Variants in MUC12 observed in about 807,000 individuals in gnomAD.
The protein encoded by MUC12 is mucin-12.
MUC12 carries 172 observed loss-of-function variants against 230.8 expected under a neutral mutation model. The observed-to-expected ratio is 0.75, with a 90% CI of 0.66 to 0.85. The LOEUF (loss-of-function observed/expected upper bound fraction) is 0.85, where lower values mean the gene tolerates loss of function less well. Among genes scored for constraint, MUC12 ranks in the 40% least tolerant of loss-of-function variants. MUC12 has a pLI of 0.00. For synonymous variants in MUC12, 1,259 were observed against 2,401.9 expected, an observed-to-expected ratio of 0.52 and a Z score of 13.91; for missense variants, 3,506 against 5,920.6, an observed-to-expected ratio of 0.59 and a Z score of 13.38.
intron 3 of MUC12, among the ~76,000 whole-genome samples, chr7:101,008,335 A>C (rs1793788825): frequency 6.6e-6 from 1 of 151,274 alleles, no homozygotes; most frequent in South Asian, 2.1e-4. Flanking sequence ...TTTGTTGCCC[A>C]GGTAGGTCTT....
At chr7:100,981,341 A>G in intron 1 of MUC12, 1 of 592,702 alleles carries the variant, frequency 1.7e-6, no homozygotes, top group Non-Finnish European at 3.0e-6. Context: ...CTCTTCACCC[A>G]GAGCATGGTT....
rs1793490738 is a variant in MUC12 at position 100,996,416 on chromosome 7, CA to C, written c.5854del (p.Ser1952AlafsTer217). The C allele has an allele frequency of 6.5e-7, 1 of 1,536,364 alleles. No homozygotes were observed. Among genetic ancestry groups the C allele is most frequent in the African/African-American group, 1.4e-5 (1 of 72,976 alleles). ...CAACGCACACAACAGCATTCCCTGA[CA>C]GCACCACCACGCCAGGCCTCAGTCG... is the stretch of plus-strand genomic sequence containing the variant. ...GSTHTTAFPDSTTTPGLSRHS... is the reference protein window; with the variant it reads ...GSTHTTAFPDXTTTPGLSRHS... On this transcript the variant is annotated frameshift_variant, in exon 2 of 12. Transcript: ENST00000536621. LOFTEE classifies it high-confidence loss of function.
At chr7:100,982,092 C>T (rs1170293587) in intron 1 of MUC12, among the ~76,000 whole-genome samples, 1 of 152,022 alleles carries the variant, frequency 6.6e-6, no homozygotes, top group Non-Finnish European at 1.5e-5. Context: ...GTCTCGAACT[C>T]CTGACCTCAG....
At chr7:101,008,375 G>A (rs948987203) in intron 3 of MUC12, among the ~76,000 whole-genome samples, 1 of 152,072 alleles carries the variant, frequency 6.6e-6, no homozygotes, top group African/African-American at 2.4e-5. Context: ...GGGATTACAG[G>A]TGTGAGCCAC....
chr7:100,988,372 C>T (rs1793227701), intron 1 of MUC12, among the ~76,000 whole-genome samples: 2 of 151,890 alleles, frequency 1.3e-5, no homozygotes, highest in South Asian at 2.1e-4. Context: ...CCTGCTTTTG[C>T]CATGTGACCA....
Position 100,990,666 on chromosome 7 carries a change from A to G in MUC12, c.103A>G (p.Thr35Ala). The G allele has an allele frequency of 6.5e-7, 1 of 1,537,624 alleles. No homozygotes were observed. Among genetic ancestry groups the G allele is most frequent in the Non-Finnish European group, 8.7e-7 (1 of 1,146,972 alleles). ...TVNTSIGGNT[T>A]SASTPSSSDP... ...AAACACCAGTATTGGAGGTAATACA[A>G]CTTCTGCATCCACACCCAGTTCAAG... is the stretch of plus-strand genomic sequence containing the variant. The change falls in exon 2 of 12, where the codon ACT becomes GCT. Residue 35 changes from threonine to alanine, a missense_variant. Coordinates refer to ENST00000536621, the MANE Select transcript of MUC12 (RefSeq NM_001164462.2).
rs1445136935 is a variant in MUC12 at position 101,015,363 on chromosome 7, C to A, written c.15801-252C>A. On this transcript the variant is annotated intron_variant, in intron 9 of 11. Coordinates refer to ENST00000536621, the MANE Select transcript of MUC12 (RefSeq NM_001164462.2). The stretch of plus-strand genomic sequence containing the variant: ...AGCAACTGAAGGGAGCTACCCTACG[C>A]CCCCATCTCATGGATATGGAAACTG... 9.7e-6 allele frequency: 5 copies of A among 516,718 alleles called. No homozygotes were observed. The Admixed American group carries it at 1.7e-4, about 18-fold the overall frequency. 32.0% of individuals were successfully genotyped at this position (516,718 alleles called of 1,614,324 possible).
chr7:100,972,900 C>T (rs76074645), intron 1 of MUC12: 33 of 685,678 alleles, frequency 4.8e-5, no homozygotes, highest in East Asian at 1.1e-4. Flanking sequence ...AGCAGACAGT[C>T]GAGCAAGGGA....
rs776249063 is a variant in MUC12, at chr7:101,004,422, G to A, written c.13859G>A (p.Ser4620Asn). 7.3e-6 allele frequency: 11 copies of A among 1,512,500 alleles called. No individual in the cohort carries two copies. The highest frequency in any genetic ancestry group is 7.0e-6 in the Non-Finnish European group (8 of 1,138,662). The allele number at this position is 1,512,500 out of a possible 1,614,324, so 93.7% of individuals were successfully genotyped here. A position where few individuals can be genotyped will look rare whatever the true frequency, so the allele number is the denominator to read the frequency against. ...ACTCAAACAATGCACTTCCCTGAAA[G>A]CTCCACAGCTTCAGGTCGTAGTGAA... ...GSTQTMHFPE[S>N]STASGRSEES... is the part of the protein sequence containing the mutation. Residue 4620 changes from serine to asparagine, a missense_variant, in exon 2 of 12, where the codon AGC (serine) becomes AAC (asparagine). Transcript: ENST00000536621.
At chr7:100,983,007 T>G (rs189803683) in intron 1 of MUC12, among the ~76,000 whole-genome samples, 2 of 152,098 alleles carry the variant, frequency 1.3e-5, no homozygotes, top group Non-Finnish European at 2.9e-5. Flanking sequence ...AATGCTGGGA[T>G]TACAGGTATG....
chr7:100,984,599 C>T (rs1267456411), intron 1 of MUC12, among the ~76,000 whole-genome samples: 3 of 151,940 alleles, frequency 2.0e-5, no homozygotes, highest in African/African-American at 4.8e-5. Flanking sequence ...TTTAACTTCT[C>T]TTCCCAAGGC....
rs1387394376 is a variant in MUC12 at position 100,995,482 on chromosome 7, G to A, written c.4919G>A (p.Gly1640Asp). ...PESTTFHSSP[G>D]STETTLLPDN... ...TCTACTACTTTCCACAGCAGCCCAG[G>A]CTCCACTGAAACAACACTCTTACCT... The change falls in exon 2 of 12, where the codon GGC becomes GAC. Residue 1640 changes from glycine to aspartate, a missense_variant. Coordinates refer to ENST00000536621, the MANE Select transcript of MUC12 (RefSeq NM_001164462.2). 2.0e-6 allele frequency: 3 copies of A among 1,533,656 alleles called. No homozygotes were observed. The highest frequency in any genetic ancestry group is 2.4e-5 in the East Asian group (1 of 40,884).
Position 101,018,820 on chromosome 7 carries a change from G to A in MUC12, c.*184G>A. On this transcript the variant is annotated 3_prime_UTR_variant, in exon 12 of 12. Transcript: ENST00000536621. ...CTCCTGCTGGGGAAGGCTGGGGGCTGTAAGCCTCTCCATCCGGGAGCTTCC... is the reference window on the plus strand; with the variant it reads ...CTCCTGCTGGGGAAGGCTGGGGGCTATAAGCCTCTCCATCCGGGAGCTTCC... 5.4e-6 allele frequency: 3 copies of A among 555,698 alleles called. No homozygotes were observed. The highest frequency in any genetic ancestry group is 6.9e-5 in the East Asian group (2 of 28,982). 34.4% of individuals were successfully genotyped at this position (555,698 alleles called of 1,614,324 possible).
chr7:100,976,273 A>G (rs1793029245), intron 1 of MUC12, among the ~76,000 whole-genome samples: 1 of 149,796 alleles, frequency 6.7e-6, no homozygotes, highest in Non-Finnish European at 1.5e-5. Flanking sequence ...GCAAGACATT[A>G]CCTCTTAAAA....
chr7:100,990,463 C>A, intron 1 of MUC12, 168 bp from the exon 2 acceptor site: 1 of 793,070 alleles, frequency 1.3e-6, no homozygotes, highest in Non-Finnish European at 2.0e-6. Context: ...TTCTTCAAAT[C>A]TACAGGTTCA....
At position 100,993,565 on chromosome 7, in the gene MUC12, C is replaced by G. The variant is rs541661005; in HGVS notation, c.3002C>G (p.Thr1001Ser). Residue 1001 changes from threonine to serine, a missense_variant, in exon 2 of 12, where the codon ACT (threonine) becomes AGT (serine). Thr to Ser is a moderately conservative substitution (Grantham distance 58, BLOSUM62 1). Transcript: ENST00000536621. ...GCCTTCCAGACCCACCCAGCCTCAA[C>G]TCACACAACGCCTTCACCTCCTAGC... Reference protein sequence around the residue: ...STAFQTHPASTHTTPSPPSTA... With the variant: ...STAFQTHPASSHTTPSPPSTA... 1.0e-6 allele frequency: 1 copy of G among 955,678 alleles called. No individual in the cohort carries two copies. Among genetic ancestry groups the G allele is most frequent in the Non-Finnish European group, 1.4e-6 (1 of 704,226 alleles). The allele number at this position is 955,678 out of a possible 1,614,324, so 59.2% of individuals were successfully genotyped here.
At position 100,991,833 on chromosome 7, in the gene MUC12, T is replaced by G. The variant is rs376357726; in HGVS notation, c.1270T>G (p.Phe424Val). The G allele has an allele frequency of 2.0e-6, 3 of 1,537,496 alleles. No individual in the cohort carries two copies. The highest frequency in any genetic ancestry group is 3.9e-5 in the Admixed American group (2 of 50,984). ...CCTGGGCTCAACTGAAACAACACAC[T>G]TCCGTGATAGCTCCACAATCTCAGG... ...SSLGSTETTHFRDSSTISGRS... is the reference protein window; with the variant it reads ...SSLGSTETTHVRDSSTISGRS... Residue 424 changes from phenylalanine (F) to valine (V), a missense_variant, in exon 2 of 12, where the codon TTC becomes GTC. By Grantham distance (50) the Phe-to-Val change is conservative. Transcript: ENST00000536621.
At chr7:101,014,138 T>G (rs1185826631) in intron 9 of MUC12, 64 bp downstream of exon 9, 2 of 1,447,398 alleles carry the variant, frequency 1.4e-6, no homozygotes, top group Non-Finnish European at 1.8e-6. Context: ...GTGGCCACTG[T>G]CTGAATGTCC....
chr7:101,009,933 A>G (rs1003636350), intron 5 of MUC12, among the ~76,000 whole-genome samples: 6 of 152,204 alleles, frequency 3.9e-5, no homozygotes, highest in Non-Finnish European at 8.8e-5. Flanking sequence ...TCAGCAGTGT[A>G]GACCCATGAG....
Sources: allele counts gnomAD v4.1 joint callset (sites outside exome capture counted in the v4.1 genomes callset), GRCh38; gene constraint gnomAD v4.1.1; transcripts MANE v1.5; gene names NCBI Gene and HGNC (gene_info 2026-07-23, HGNC 2026-07-21).